Variants in DIABLO observed in about 807,000 individuals in gnomAD.
DIABLO encodes the protein diablo IAP-binding mitochondrial protein, also known as diablo homolog, mitochondrial.
Under a neutral mutation model 31.7 loss-of-function variants are expected in DIABLO, and 32 were observed. The observed-to-expected ratio is 1.01, with a 90% CI of 0.76 to 1.35. The LOEUF (loss-of-function observed/expected upper bound fraction) is 1.35. Ranked by LOEUF, DIABLO falls within the 40% of genes most tolerant of loss-of-function variation. The pLI, the probability that DIABLO is intolerant of heterozygous loss-of-function variation, is 0.00. For synonymous variants in DIABLO, 132 were observed against 103.2 expected (o/e 1.28, Z -1.69); for missense variants, 316 against 286.4 (o/e 1.10, Z -0.75).
chr12:122,226,807 G>A (rs972102284), upstream of DIABLO, among the ~76,000 whole-genome samples: 2 of 152,258 alleles, frequency 1.3e-5, no homozygotes, highest in Admixed American at 1.3e-4. Context: ...CAGAAGCCCG[G>A]CTCTTCCCCG....
At chr12:122,225,474 C>G (rs1954438164) in intron 1 of DIABLO, 2 of 1,019,404 alleles carry the variant, frequency 2.0e-6, no homozygotes, top group Non-Finnish European at 2.4e-6. Context: ...GAATTTAGCT[C>G]TGGACCCCTG....
At chr12:122,222,467 G>A (rs1421412545) in intron 2 of DIABLO, 2 of 152,054 alleles carry the variant, frequency 1.3e-5, no homozygotes, top group Non-Finnish European at 2.9e-5. Flanking sequence ...GCAGGGTGTG[G>A]TGGCGGGCGC....
At chr12:122,208,874 G>A in intron 5 of DIABLO, 1 of 458,690 alleles carries the variant, frequency 2.2e-6, no homozygotes, top group South Asian at 1.8e-5. Flanking sequence ...ACAGACCTTT[G>A]ATTAATTTTT....
rs1953967976 is a variant in DIABLO, at chr12:122,208,006, TTTGACGACGTAAATAAGACTG to T, written c.*354_*374del. On this transcript the variant is annotated 3_prime_UTR_variant, in exon 6 of 6. Coordinates refer to ENST00000464942, the MANE Select transcript of DIABLO (RefSeq NM_001371333.1). Reference sequence around the variant, plus strand: ...CAGAGGGAACAAGTACTAAATCATTTTTGACGACGTAAATAAGACTGAAAACAGGTTAAACAGTTGCTGAAC... The same window carrying T: ...CAGAGGGAACAAGTACTAAATCATTTAAAACAGGTTAAACAGTTGCTGAAC... 15 of 485,038 alleles carry T rather than the reference TTTGACGACGTAAATAAGACTG, an allele frequency of 3.1e-5. No homozygotes were observed. Among genetic ancestry groups the T allele is most frequent in the Non-Finnish European group, 3.2e-5 (8 of 248,186 alleles). The allele number at this position is 485,038 out of a possible 1,614,324, so 30.0% of individuals were successfully genotyped here.
At chr12:122,226,582 C>T, upstream of DIABLO, 1 of 692,838 alleles carries the variant, frequency 1.4e-6, no homozygotes, top group South Asian at 1.5e-5. Context: ...CGCGGGAGCC[C>T]CAGGACGGTC....
intron 5 of DIABLO, among the ~76,000 whole-genome samples, chr12:122,214,769 G>A (rs1748960525): frequency 6.6e-6 from 1 of 151,950 alleles, no homozygotes; most frequent in South Asian, 2.1e-4. Flanking sequence ...GGCTTGAGGT[G>A]CAGTGGAGCC....
intron 2 of DIABLO, chr12:122,220,660 A>AAAAC (rs1954314261): frequency 6.7e-6 from 1 of 150,148 alleles, no homozygotes; most frequent in Non-Finnish European, 1.5e-5. Flanking sequence ...GTCTCAAAAC[A>AAAAC]AAACAAAACA....
chr12:122,223,936 C>T (rs1191108083), intron 2 of DIABLO, among the ~76,000 whole-genome samples: 1 of 152,062 alleles, frequency 6.6e-6, no homozygotes, highest in Non-Finnish European at 1.5e-5. Flanking sequence ...GAGTAGTTGC[C>T]ACTAGAAGTG....
At chr12:122,210,529 T>G (rs546990635) in intron 5 of DIABLO, among the ~76,000 whole-genome samples, 17 of 151,794 alleles carry the variant, frequency 1.1e-4, no homozygotes, top group Non-Finnish European at 2.2e-4. Context: ...CCCACCACCA[T>G]GCCTAATTTA....
chr12:122,208,174 CA>C lies in DIABLO; in HGVS notation c.*206del. 1.4e-6 allele frequency: 1 copy of C among 706,386 alleles called. No homozygotes were observed. The highest frequency in any genetic ancestry group is 1.5e-5 in the South Asian group (1 of 66,888). The allele number at this position is 706,386 out of a possible 1,614,324, so 43.8% of individuals were successfully genotyped here. A position where few individuals can be genotyped will look rare whatever the true frequency, so the allele number is the denominator to read the frequency against. On this transcript the variant is annotated 3_prime_UTR_variant, in exon 6 of 6. Coordinates refer to ENST00000464942, the MANE Select transcript of DIABLO (RefSeq NM_001371333.1). Reference sequence around the variant, plus strand: ...GTGGGGTGAAATGTTAAACAGGGTGCAGTGCCCAAGGGCTAAGAACCAGGTC... The same window carrying C: ...GTGGGGTGAAATGTTAAACAGGGTGCGTGCCCAAGGGCTAAGAACCAGGTC...
chr12:122,217,124 CTT>C (rs1954232019), intron 3 of DIABLO: 2 of 440,960 alleles, frequency 4.5e-6, no homozygotes, highest in Admixed American at 3.6e-5. Flanking sequence ...CAAGGGAAAA[CTT>C]TAAAGGTTGA....
chr12:122,208,675 C>G, intron 5 of DIABLO, 98 bp from the exon 6 acceptor site: 1 of 1,248,760 alleles, frequency 8.0e-7, no homozygotes, highest in Non-Finnish European at 1.1e-6. Context: ...CATCTGAACC[C>G]CTCTTGGGGT....
At chr12:122,213,260 T>A (rs1453929086) in intron 5 of DIABLO, among the ~76,000 whole-genome samples, 3 of 151,792 alleles carry the variant, frequency 2.0e-5, no homozygotes, top group Non-Finnish European at 4.4e-5. Flanking sequence ...CCGTGCACAG[T>A]GTCTCATGTC....
intron 1 of DIABLO, chr12:122,225,208 G>A: frequency 5.1e-6 from 1 of 196,594 alleles, no homozygotes; most frequent in South Asian, 1.1e-4. Context: ...GCGAGACTGA[G>A]TCTCAAACAA....
chr12:122,211,077 TAAAAAAAAAAAAAAA>T (rs1156571584), intron 5 of DIABLO, among the ~76,000 whole-genome samples: 23 of 14,340 alleles, frequency 1.6e-3, no homozygotes, highest in African/African-American at 3.6e-3. Context: ...TAGTTAAAAG[TAAAAAAAAAAAAAAA>T]AAAAAAAAAA....
intron 5 of DIABLO, 83 bp from the exon 6 acceptor site, chr12:122,208,660 G>T: frequency 7.0e-7 from 1 of 1,420,504 alleles, no homozygotes. Flanking sequence ...GGGTGCTGTG[G>T]CTGTCATCTG....
At chr12:122,225,853 G>A in intron 1 of DIABLO, 112 bp downstream of exon 1, 3 of 1,532,112 alleles carry the variant, frequency 2.0e-6, no homozygotes, top group Non-Finnish European at 2.6e-6. Context: ...ACCCAGCTGG[G>A]CGGACGAGAG....
upstream of DIABLO, chr12:122,226,341 G>A (rs1283596681): frequency 3.2e-6 from 2 of 629,364 alleles, no homozygotes; most frequent in African/African-American, 4.5e-5. Context: ...GCCAGGGCTT[G>A]AAGGGAATTT....
intron 3 of DIABLO, among the ~76,000 whole-genome samples, chr12:122,217,979 TAA>T (rs35010821): frequency 9.1e-4 from 128 of 140,256 alleles, no homozygotes; most frequent in Middle Eastern, 3.5e-3. Context: ...GATTTTTCTG[TAA>T]AAAAAAAAAA....
Sources: gnomAD v4.1 joint callset for allele counts (sites outside exome capture counted in the v4.1 genomes callset) on GRCh38, gnomAD v4.1.1 for gene constraint, MANE v1.5 for transcripts, NCBI Gene and HGNC (gene_info 2026-07-23, HGNC 2026-07-21) for gene names.